The following TGM3 variants were observed in gnomAD, a reference collection of about 807,000 sequenced individuals.
TGM3 encodes protein-glutamine gamma-glutamyltransferase E.
In TGM3, 52 loss-of-function variants were observed where a neutral mutation model predicts 73.8. The ratio of observed to expected loss-of-function variants is 0.70; its 90% confidence interval spans 0.56 to 0.89. The LOEUF is 0.89. Ranked by LOEUF, TGM3 falls within the 40% of genes least tolerant of loss-of-function variation. TGM3 has a pLI of 0.00. For missense variants in TGM3, 928 were observed against 909.9 expected (o/e 1.02, Z -0.26); for synonymous variants, 372 against 354.9 (o/e 1.05, Z -0.54).
chr20:2,340,244 C>G (rs777576586), intron 12 of TGM3, among the ~76,000 whole-genome samples, 190 bp from the exon 13 acceptor site: 1 of 152,306 alleles, frequency 6.6e-6, no homozygotes, highest in East Asian at 1.9e-4. Flanking sequence ...GGACCCCCCC[C>G]TCCTGCTTCC....
Position 2,332,311 on chromosome 20 carries a change from G to A in TGM3, c.1642+1G>A. 6.3e-7 allele frequency: 1 copy of A among 1,580,348 alleles called. No individual in the cohort carries two copies. The highest frequency in any genetic ancestry group is 8.6e-7 in the Non-Finnish European group (1 of 1,161,600). Reference sequence around the variant, plus strand: ...ACAATGTCCCTGGACCCTGAGGAAGGTAACGCATCCCGCAGTTGGAGGAGA... The same window carrying A: ...ACAATGTCCCTGGACCCTGAGGAAGATAACGCATCCCGCAGTTGGAGGAGA... On this transcript the variant is annotated splice_donor_variant, in intron 10 of 12. Coordinates refer to ENST00000381458, the MANE Select transcript of TGM3 (RefSeq NM_003245.4). LOFTEE classifies it high-confidence loss of function. This position sits in a 1 kb window ranked among gnomAD's most constrained non-coding sequence, Gnocchi z 4.4.
At chr20:2,336,132 C>T (rs1234480712) in intron 11 of TGM3, among the ~76,000 whole-genome samples, 3 of 152,214 alleles carry the variant, frequency 2.0e-5, no homozygotes, top group African/African-American at 7.2e-5. Flanking sequence ...TGGGAGGCCC[C>T]TCGTGCCACT....
At chr20:2,313,133 C>A in intron 5 of TGM3, 107 bp downstream of exon 5, 1 of 1,465,906 alleles carries the variant, frequency 6.8e-7, no homozygotes, top group Non-Finnish European at 9.3e-7. Context: ...AAAGCCTCAC[C>A]AATTACAGCT....
At chr20:2,309,174 C>T (rs1335089845) in intron 1 of TGM3, among the ~76,000 whole-genome samples, 4 of 152,176 alleles carry the variant, frequency 2.6e-5, no homozygotes, top group Non-Finnish European at 4.4e-5. Flanking sequence ...CCACCACACC[C>T]GGCGCCTCCC....
At chr20:2,307,121 T>C (rs1244716680) in intron 1 of TGM3, among the ~76,000 whole-genome samples, 1 of 152,220 alleles carries the variant, frequency 6.6e-6, no homozygotes, top group African/African-American at 2.4e-5. Flanking sequence ...AACCTATTAA[T>C]TTATTCTTTC....
At chr20:2,316,608 ATAAAT>A (rs1197229517) in intron 5 of TGM3, among the ~76,000 whole-genome samples, 7 of 151,462 alleles carry the variant, frequency 4.6e-5, no homozygotes, top group African/African-American at 1.2e-4. Flanking sequence ...TAAAATAAAA[ATAAAT>A]AAAATAAATA....
chr20:2,324,796 A>G (rs1324147246), intron 7 of TGM3, among the ~76,000 whole-genome samples: 1 of 152,230 alleles, frequency 6.6e-6, no homozygotes, highest in African/African-American at 2.4e-5. Context: ...GAGCAAACTC[A>G]TAAAAAGTGC....
chr20:2,322,119 G>A (rs1251819655), intron 7 of TGM3, among the ~76,000 whole-genome samples: 2 of 151,822 alleles, frequency 1.3e-5, no homozygotes, highest in Non-Finnish European at 2.9e-5. Flanking sequence ...AGTTCTAACC[G>A]ATCATGAAGG....
chr20:2,300,921 C>A (rs1277402927), intron 1 of TGM3, among the ~76,000 whole-genome samples: 2 of 151,994 alleles, frequency 1.3e-5, no homozygotes, highest in Admixed American at 1.3e-4. Flanking sequence ...TATGTTGAAT[C>A]CCAACAATAA....
chr20:2,323,493 A>G (rs1468452561), intron 7 of TGM3, among the ~76,000 whole-genome samples: 2 of 152,220 alleles, frequency 1.3e-5, no homozygotes, highest in African/African-American at 4.8e-5. Context: ...TGCTGTTACA[A>G]ACAATGCCTT....
At chr20:2,337,771 T>C (rs2084359073) in intron 11 of TGM3, among the ~76,000 whole-genome samples, 2 of 152,124 alleles carry the variant, frequency 1.3e-5, no homozygotes, top group South Asian at 4.1e-4. Context: ...TATGTTCCCT[T>C]ATCCAATGTC....
At chr20:2,310,100 G>A in intron 2 of TGM3, 78 bp from the exon 3 acceptor site, 2 of 1,580,734 alleles carry the variant, frequency 1.3e-6, no homozygotes, top group East Asian at 2.2e-5. Context: ...CCCCCAGAGG[G>A]GGGTTGTATT....
chr20:2,313,754 C>T (rs375264525), intron 5 of TGM3, among the ~76,000 whole-genome samples: 4 of 152,304 alleles, frequency 2.6e-5, no homozygotes, highest in Non-Finnish European at 4.4e-5. Flanking sequence ...CCAGTCTGGG[C>T]GTGGTGGCTC....
At chr20:2,299,713 T>G (rs553923061) in intron 1 of TGM3, among the ~76,000 whole-genome samples, 2 of 152,216 alleles carry the variant, frequency 1.3e-5, no homozygotes, top group Non-Finnish European at 2.9e-5. Context: ...GTAATTTATG[T>G]GAAGGAGCTT....
chr20:2,300,094 G>A lies in TGM3; in HGVS notation c.7+4024G>A, dbSNP rs182624664. On this transcript the variant is annotated intron_variant, in intron 1 of 12. Coordinates refer to ENST00000381458, the MANE Select transcript of TGM3 (RefSeq NM_003245.4). Reference sequence around the variant, plus strand: ...TACACTCCAGCTTGGGCAACAGAGAGAGACTCCATTTAAAAAAAAAATAAA... The same window carrying A: ...TACACTCCAGCTTGGGCAACAGAGAAAGACTCCATTTAAAAAAAAAATAAA... Among the ~76,000 whole-genome samples, 406 of 112,000 alleles carry A rather than the reference G, an allele frequency of 3.6e-3. 1 individual carries two copies. Among genetic ancestry groups the A allele is most frequent in the Middle Eastern group, 0.012 (3 of 246 alleles). 73.5% of individuals were successfully genotyped at this position (112,000 alleles called of 152,430 possible). A position where few individuals can be genotyped will look rare whatever the true frequency, so the allele number is the denominator to read the frequency against.
intron 7 of TGM3, among the ~76,000 whole-genome samples, chr20:2,318,139 C>G (rs2084245410): frequency 6.6e-6 from 1 of 151,980 alleles, no homozygotes; most frequent in African/African-American, 2.4e-5. Flanking sequence ...CCTGCCTCAG[C>G]CTCCCAAGTA....
chr20:2,333,870 A>G (rs1600708340), intron 10 of TGM3, among the ~76,000 whole-genome samples: 1 of 152,132 alleles, frequency 6.6e-6, no homozygotes, highest in Admixed American at 6.5e-5. Context: ...CCCTTTCTGA[A>G]CCTCGGAGGT....
intron 7 of TGM3, among the ~76,000 whole-genome samples, chr20:2,319,238 T>C (rs192151455): frequency 3.5e-3 from 529 of 152,328 alleles, no homozygotes; most frequent in Non-Finnish European, 6.0e-3. Context: ...GTGAGACAAG[T>C]TGGGGGTCCC....
At chr20:2,337,188 A>C (rs1173417418) in intron 11 of TGM3, among the ~76,000 whole-genome samples, 1 of 152,162 alleles carries the variant, frequency 6.6e-6, no homozygotes, top group Non-Finnish European at 1.5e-5. Context: ...ACTGGAACAG[A>C]TCCCCTTGGC....
Sources: allele counts gnomAD v4.1 joint callset (sites outside exome capture counted in the v4.1 genomes callset), GRCh38; gene constraint gnomAD v4.1.1; non-coding constraint Gnocchi (gnomAD v3.1); transcripts MANE v1.5; gene names NCBI Gene and HGNC (gene_info 2026-07-23, HGNC 2026-07-21).